R3HCC1L: variants seen among roughly 807,000 people sequenced by gnomAD.
R3HCC1L encodes coiled-coil domain-containing protein R3HCC1L.
Under a neutral mutation model 59.9 loss-of-function variants are expected in R3HCC1L, and 51 were observed. The observed-to-expected ratio is 0.85, with a 90% CI of 0.68 to 1.07. The LOEUF (loss-of-function observed/expected upper bound fraction) is 1.07, where lower values mean the gene tolerates loss of function less well. Among genes scored for constraint, R3HCC1L ranks in the 50% least tolerant of loss-of-function variants. The probability of loss-of-function intolerance (pLI) is 0.00; values close to 1 mark genes in which losing one functional copy is unlikely to be tolerated. For synonymous variants in R3HCC1L, 322 were observed against 315.2 expected, an observed-to-expected ratio of 1.02 and a Z score of -0.23; for missense variants, 965 against 933.0, an observed-to-expected ratio of 1.03 and a Z score of -0.45.
At chr10:98,196,020 T>G (rs1402140500) in intron 4 of R3HCC1L, among the ~76,000 whole-genome samples, 3 of 152,202 alleles carry the variant, frequency 2.0e-5, no homozygotes. Flanking sequence ...TATGTGACAT[T>G]TATTTATGTA....
At chr10:98,146,201 A>G (rs1053794338) in intron 1 of R3HCC1L, among the ~76,000 whole-genome samples, 4 of 152,152 alleles carry the variant, frequency 2.6e-5, no homozygotes, top group Admixed American at 6.5e-5. Context: ...CTCTGTTGAC[A>G]AATAATTTGC....
chr10:98,142,616 C>T (rs1382283017), intron 1 of R3HCC1L, among the ~76,000 whole-genome samples: 3 of 148,588 alleles, frequency 2.0e-5, no homozygotes, highest in Non-Finnish European at 3.0e-5. Context: ...CCAGTCTGGG[C>T]GACAGAGTGA....
At chr10:98,137,582 G>T (rs1465648206) in intron 1 of R3HCC1L, among the ~76,000 whole-genome samples, 5 of 152,150 alleles carry the variant, frequency 3.3e-5, no homozygotes, top group Non-Finnish European at 2.9e-5. Flanking sequence ...TTGTCAGATT[G>T]CAGTTTGTTT....
At chr10:98,225,814 CA>C (rs1381502895) in intron 5 of R3HCC1L, among the ~76,000 whole-genome samples, 4 of 152,096 alleles carry the variant, frequency 2.6e-5, no homozygotes, top group Non-Finnish European at 5.9e-5. Flanking sequence ...ATTTTCTTGC[CA>C]GACTATCCTG....
chr10:98,236,134 G>A lies in R3HCC1L; in HGVS notation c.2239G>A (p.Ala747Thr). The change falls in exon 9 of 10, where the codon GCA becomes ACA. Residue 747 changes from alanine to threonine, a missense_variant. Transcript: ENST00000298999. ...TAAGCAGAGCAAAACCGAACGAGAA[G>A]CAGAGCTCAAGAAACTGCAAGAAGC... ...RSKQSKTEREAELKKLQEARE... is the reference protein window; with the variant it reads ...RSKQSKTERETELKKLQEARE... The A allele has an allele frequency of 2.5e-6, 4 of 1,613,924 alleles. No individual in the cohort carries two copies. Among genetic ancestry groups the A allele is most frequent in the Non-Finnish European group, 3.4e-6 (4 of 1,179,902 alleles).
chr10:98,237,608 A>G (rs1252970219), intron 9 of R3HCC1L, among the ~76,000 whole-genome samples: 1 of 152,206 alleles, frequency 6.6e-6, no homozygotes, highest in Non-Finnish European at 1.5e-5. Context: ...CTGTTGACTA[A>G]GCGGGTACTC....
At chr10:98,191,750 G>C (rs1850878035) in intron 4 of R3HCC1L, among the ~76,000 whole-genome samples, 1 of 152,150 alleles carries the variant, frequency 6.6e-6, no homozygotes, top group South Asian at 2.1e-4. Flanking sequence ...GAATGGTATT[G>C]CCTAGGTTTT....
At chr10:98,240,305 C>CA (rs1353965773) in intron 9 of R3HCC1L, among the ~76,000 whole-genome samples, 6 of 151,810 alleles carry the variant, frequency 4.0e-5, no homozygotes, top group Admixed American at 2.6e-4. Flanking sequence ...GACTCCATCT[C>CA]AAAAAAATAA....
chr10:98,244,761 C>T lies in R3HCC1L; in HGVS notation c.*603C>T, dbSNP rs1441729782. The stretch of plus-strand genomic sequence containing the variant: ...CTGAGCTCAGTGCCTGGGACCGCTC[C>T]AGCTGCACTGCAGCCAGGGGGGATA... On this transcript the variant is annotated 3_prime_UTR_variant, in exon 10 of 10. Transcript: ENST00000298999. 6.6e-6 allele frequency: 1 copy of T among 152,360 alleles called. No homozygotes were observed. The highest frequency in any genetic ancestry group is 1.5e-5 in the Non-Finnish European group (1 of 68,146). The allele number at this position is 152,360 out of a possible 1,614,324, so 9.4% of individuals were successfully genotyped here. A position where few individuals can be genotyped will look rare whatever the true frequency, so the allele number is the denominator to read the frequency against.
intron 5 of R3HCC1L, chr10:98,231,119 C>T: frequency 2.8e-6 from 1 of 358,124 alleles, no homozygotes; most frequent in South Asian, 2.3e-5. Flanking sequence ...AACTATGAGC[C>T]TGGTCAGTAA....
chr10:98,162,543 T>C (rs1847529734), intron 2 of R3HCC1L, among the ~76,000 whole-genome samples: 1 of 152,198 alleles, frequency 6.6e-6, no homozygotes, highest in Non-Finnish European at 1.5e-5. Flanking sequence ...ATGAGTTTTA[T>C]TTTTTATCCA....
chr10:98,176,343 A>G (rs1381644277), intron 4 of R3HCC1L, among the ~76,000 whole-genome samples: 1 of 152,124 alleles, frequency 6.6e-6, no homozygotes, highest in African/African-American at 2.4e-5. Flanking sequence ...TCTAAAGATC[A>G]TTTTGGGGAG....
intron 5 of R3HCC1L, among the ~76,000 whole-genome samples, chr10:98,217,606 C>T (rs1373676692): frequency 6.6e-6 from 1 of 152,062 alleles, no homozygotes; most frequent in Non-Finnish European, 1.5e-5. Flanking sequence ...TTGCTTTAGG[C>T]AGTATGGTCA....
At chr10:98,192,347 GA>G (rs1564671919) in intron 4 of R3HCC1L, among the ~76,000 whole-genome samples, 2 of 151,958 alleles carry the variant, frequency 1.3e-5, no homozygotes, top group South Asian at 4.2e-4. Flanking sequence ...AAAAAGTAAA[GA>G]AACTAAATAG....
chr10:98,180,693 C>CTAAGTCTCT (rs1849538998), intron 4 of R3HCC1L, among the ~76,000 whole-genome samples: 4 of 150,492 alleles, frequency 2.7e-5, no homozygotes, highest in Non-Finnish European at 4.5e-5. Context: ...GTGTGGGAGT[C>CTAAGTCTCT]TTGTAGGTCT....
Position 98,244,221 on chromosome 10 carries a change from G to C in R3HCC1L, c.*63G>C, listed in dbSNP as rs1857868360. The C allele has an allele frequency of 4.0e-6, 6 of 1,491,824 alleles. No homozygotes were observed. In the Admixed American group the frequency reaches 8.4e-5, roughly 21 times the overall value. 92.4% of individuals were successfully genotyped at this position (1,491,824 alleles called of 1,614,324 possible). A position where few individuals can be genotyped will look rare whatever the true frequency, so the allele number is the denominator to read the frequency against. On this transcript the variant is annotated 3_prime_UTR_variant, in exon 10 of 10. Coordinates refer to ENST00000298999, the MANE Select transcript of R3HCC1L (RefSeq NM_001351015.2). ...AAATGTTTCCATAGCCTTCAGATAA[G>C]ATGATCCTTCCAGAGCTCTATGTAC...
chr10:98,194,443 A>G (rs770005576), intron 4 of R3HCC1L, among the ~76,000 whole-genome samples: 14 of 152,164 alleles, frequency 9.2e-5, no homozygotes, highest in Non-Finnish European at 1.8e-4. Flanking sequence ...CAGCAAAAAC[A>G]TGTACATCCA....
intron 5 of R3HCC1L, among the ~76,000 whole-genome samples, chr10:98,212,948 G>A (rs1054582208): frequency 4.6e-5 from 7 of 152,122 alleles, no homozygotes; most frequent in South Asian, 2.1e-4. Context: ...TTCTATAATA[G>A]TATGTAGACC....
rs1248092962 is a variant in R3HCC1L at position 98,208,239 on chromosome 10, C to A, written c.125C>A (p.Ser42Ter). Residue 42 changes from serine to a stop codon, truncating the protein, a stop_gained, in exon 5 of 10, where the codon TCA becomes TAA. Transcript: ENST00000298999. LOFTEE classifies it high-confidence loss of function. ...GGTGATGAAGAAGAAAGCTGTGGTT[C>A]ACCTAACTCTGTGGTGAAAGAAAAG... ...KTGDEEESCG[S>*]PNSVVKEKQK... is the part of the protein sequence containing the mutation. The A allele has an allele frequency of 3.1e-6, 5 of 1,614,050 alleles. No homozygotes were observed. The East Asian group carries it at 1.1e-4, about 36-fold the overall frequency.
Sources: allele counts gnomAD v4.1 joint callset (sites outside exome capture counted in the v4.1 genomes callset), GRCh38; gene constraint gnomAD v4.1.1; transcripts MANE v1.5; gene names NCBI Gene and HGNC (gene_info 2026-07-23, HGNC 2026-07-21).